Variants in SHTN1 observed in about 807,000 individuals in gnomAD.
SHTN1 encodes the protein shootin 1.
In SHTN1, 42 loss-of-function variants were observed where a neutral mutation model predicts 83.1. The ratio of observed to expected loss-of-function variants is 0.51; its 90% CI spans 0.39 to 0.65. The LOEUF is 0.65. Among genes scored for constraint, SHTN1 ranks in the 30% least tolerant of loss-of-function variants. The probability of loss-of-function intolerance (pLI) is 0.00; values close to 1 mark genes in which losing one functional copy is unlikely to be tolerated. For missense variants in SHTN1, 622 were observed against 737.8 expected, an observed-to-expected ratio of 0.84 and a Z score of 1.82; for synonymous variants, 224 against 247.7, an observed-to-expected ratio of 0.90 and a Z score of 0.90.
At chr10:117,041,543 C>T (rs140277516) in intron 2 of SHTN1, among the ~76,000 whole-genome samples, 3 of 152,092 alleles carry the variant, frequency 2.0e-5, no homozygotes, top group South Asian at 2.1e-4. Flanking sequence ...TTGCTTCATA[C>T]GAGGATAGCA....
At position 116,881,967 on chromosome 10, in the gene SHTN1, C is replaced by T. The variant is rs1008487356; in HGVS notation, c.*4377G>A. The stretch of plus-strand genomic sequence containing the variant: ...GAGGCCAATATTTTTGTTGCCAACT[C>T]CACACTCAGTCAAACACCCCATCCT... On this transcript the variant is annotated 3_prime_UTR_variant, in exon 17 of 17. Transcript: ENST00000355371. 1 of 251,600 alleles carries T rather than the reference C, an allele frequency of 4.0e-6. No homozygotes were observed. Among genetic ancestry groups the T allele is most frequent in the Middle Eastern group, 1.2e-3 (1 of 842 alleles). 15.6% of individuals were successfully genotyped at this position (251,600 alleles called of 1,614,324 possible).
chr10:116,896,500 T>C (rs1012440124), intron 16 of SHTN1, among the ~76,000 whole-genome samples: 3 of 152,186 alleles, frequency 2.0e-5, no homozygotes, highest in African/African-American at 7.2e-5. Context: ...TTGGCAGGCA[T>C]ATCAAGTGTC....
intron 2 of SHTN1, among the ~76,000 whole-genome samples, chr10:117,012,499 A>G (rs529196784): frequency 3.0e-4 from 45 of 151,776 alleles, no homozygotes; most frequent in South Asian, 2.7e-3. Flanking sequence ...ATTCAATGGG[A>G]AAAAAAAAGT....
chr10:117,044,989 T>G (rs1852640330), intron 2 of SHTN1, among the ~76,000 whole-genome samples: 1 of 152,216 alleles, frequency 6.6e-6, no homozygotes, highest in Non-Finnish European at 1.5e-5. Flanking sequence ...TAGATCATCA[T>G]CAAGCAATTA....
intron 1 of SHTN1, among the ~76,000 whole-genome samples, chr10:117,085,654 G>A (rs544531682): frequency 5.4e-4 from 82 of 152,264 alleles, no homozygotes; most frequent in Non-Finnish European, 9.1e-4. Flanking sequence ...ATGGGGTTCA[G>A]TTCAACTATG....
chr10:117,121,849 A>G (rs1853932902), intron 1 of SHTN1, among the ~76,000 whole-genome samples: 1 of 151,600 alleles, frequency 6.6e-6, no homozygotes, highest in African/African-American at 2.4e-5. Flanking sequence ...TGGCTAACAC[A>G]GTGCAACCCC....
rs746210180 is a variant in SHTN1 at position 116,960,125 on chromosome 10, T to G, written c.267+11A>C. 2 of 1,528,498 alleles carry G rather than the reference T, an allele frequency of 1.3e-6. No individual in the cohort carries two copies. Among genetic ancestry groups the G allele is most frequent in the Non-Finnish European group, 1.8e-6 (2 of 1,103,454 alleles). 94.7% of individuals were successfully genotyped at this position (1,528,498 alleles called of 1,614,324 possible). ...AAAGCTCAGGTAAAATTCCTTCATT[T>G]GAAGTCTCACCTTTGTTGCCAAAGC... On this transcript the variant is annotated intron_variant, in intron 4 of 16. Transcript: ENST00000355371.
At chr10:116,966,743 T>C (rs1213920963) in intron 3 of SHTN1, among the ~76,000 whole-genome samples, 1 of 152,186 alleles carries the variant, frequency 6.6e-6, no homozygotes, top group African/African-American at 2.4e-5. Flanking sequence ...AGACCAAATA[T>C]TTTATAAGCC....
chr10:116,975,016 A>C (rs1850748209), intron 2 of SHTN1, among the ~76,000 whole-genome samples: 1 of 152,148 alleles, frequency 6.6e-6, no homozygotes, highest in South Asian at 2.1e-4. Context: ...CAAAAATATA[A>C]ATTTGAAGAG....
rs576585816 is a variant in SHTN1 at position 117,103,182 on chromosome 10, C to T, written c.-189+23125G>A. 9.2e-5 allele frequency among the ~76,000 whole-genome samples: 14 copies of T among 152,098 alleles called. No homozygotes were observed. In the East Asian group the frequency reaches 1.2e-3, roughly 13 times the overall value. On this transcript the variant is annotated intron_variant, in intron 1 of 17. Transcript: ENST00000392901. Reference sequence around the variant, plus strand: ...TCGGCTCACTGCAACCTCTGCCTCCCGGGTTCAAGCAATTCTTCTGCCTCA... The same window carrying T: ...TCGGCTCACTGCAACCTCTGCCTCCTGGGTTCAAGCAATTCTTCTGCCTCA...
At chr10:117,075,577 T>A (rs1853140124) in intron 1 of SHTN1, among the ~76,000 whole-genome samples, 1 of 152,184 alleles carries the variant, frequency 6.6e-6, no homozygotes, top group Non-Finnish European at 1.5e-5. Context: ...CATAGTGTGA[T>A]ATGCATTATG....
rs1421648971 is a variant in SHTN1 at position 116,901,639 on chromosome 10, AAAG to A, written c.1673+123_1673+125del. On this transcript the variant is annotated intron_variant, in intron 16 of 16. Transcript: ENST00000355371. ...ATGAAAAAGCTGGCCCATCAAATGA[AAAG>A]AAGAAGAGAATTTACCGGCGAGCCA... 6.7e-5 allele frequency: 91 copies of A among 1,353,126 alleles called. No homozygotes were observed. In the Middle Eastern group the frequency reaches 1.9e-3, roughly 28 times the overall value. 83.8% of individuals were successfully genotyped at this position (1,353,126 alleles called of 1,614,324 possible).
chr10:116,980,745 G>A (rs1490491414), intron 1 of SHTN1, among the ~76,000 whole-genome samples: 4 of 152,138 alleles, frequency 2.6e-5, no homozygotes, highest in Non-Finnish European at 5.9e-5. Flanking sequence ...CCCAGAAACA[G>A]ACAATTAACA....
intron 15 of SHTN1, among the ~76,000 whole-genome samples, chr10:116,905,492 T>C (rs1847934630): frequency 6.6e-6 from 1 of 152,136 alleles, no homozygotes; most frequent in Non-Finnish European, 1.5e-5. Flanking sequence ...TGGCTGATTT[T>C]TGTTTTTTAA....
At chr10:117,111,384 C>T (rs534975908) in intron 1 of SHTN1, among the ~76,000 whole-genome samples, 1 of 151,910 alleles carries the variant, frequency 6.6e-6, no homozygotes, top group African/African-American at 2.4e-5. Flanking sequence ...ACCTCCGCCT[C>T]CCAGGTTCAA....
At chr10:117,041,606 C>G (rs1852585451) in intron 2 of SHTN1, among the ~76,000 whole-genome samples, 1 of 152,164 alleles carries the variant, frequency 6.6e-6, no homozygotes, top group Non-Finnish European at 1.5e-5. Flanking sequence ...GTTTAATATT[C>G]TCACCCTTTG....
At chr10:116,929,431 G>A (rs1167158948) in intron 10 of SHTN1, among the ~76,000 whole-genome samples, 1 of 152,140 alleles carries the variant, frequency 6.6e-6, no homozygotes, top group Non-Finnish European at 1.5e-5. Flanking sequence ...CACCAAAGAT[G>A]AAGGTAGTAT....
At chr10:117,061,339 G>A (rs1256667521) in intron 1 of SHTN1, among the ~76,000 whole-genome samples, 2 of 151,742 alleles carry the variant, frequency 1.3e-5, no homozygotes, top group South Asian at 2.1e-4. Flanking sequence ...TGGGATTACA[G>A]GTTTGCACTA....
intron 3 of SHTN1, among the ~76,000 whole-genome samples, chr10:116,968,052 T>A (rs1195893577): frequency 6.6e-6 from 1 of 152,012 alleles, no homozygotes; most frequent in Non-Finnish European, 1.5e-5. Context: ...CATGGTGGTG[T>A]GCGCTTGTAG....
Sources: gnomAD v4.1 joint callset for allele counts (sites outside exome capture counted in the v4.1 genomes callset) on GRCh38, gnomAD v4.1.1 for gene constraint, MANE v1.5 for transcripts, NCBI Gene and HGNC (gene_info 2026-07-23, HGNC 2026-07-21) for gene names.